The following ATP6V0A1 variants were observed in gnomAD, a reference collection of about 807,000 sequenced individuals.
The protein encoded by ATP6V0A1 is ATPase H+ transporting V0 subunit a1, also known as V-type proton ATPase 116 kDa subunit a 1.
In ATP6V0A1, 43 loss-of-function variants were observed where a neutral mutation model predicts 105.4. The observed-to-expected ratio is 0.41, with a 90% CI of 0.32 to 0.53. The LOEUF is 0.53. Ranked by LOEUF, ATP6V0A1 falls within the 20% of genes least tolerant of loss-of-function variation. The pLI is 0.30. For missense variants in ATP6V0A1, 676 were observed against 1,051.1 expected (o/e 0.64, Z 4.93); for synonymous variants, 362 against 372.8 (o/e 0.97, Z 0.33).
chr17:42,468,811 T>C (rs1216436013), intron 4 of ATP6V0A1, among the ~76,000 whole-genome samples: 1 of 151,994 alleles, frequency 6.6e-6, no homozygotes, highest in Non-Finnish European at 1.5e-5. Flanking sequence ...TGTTTATTGG[T>C]TTATCGAAAC....
intron 15 of ATP6V0A1, among the ~76,000 whole-genome samples, chr17:42,500,305 C>G (rs1000031262): frequency 6.6e-6 from 1 of 151,992 alleles, no homozygotes; most frequent in African/African-American, 2.4e-5. Context: ...ATGGCAAAAC[C>G]CCATCTCTAC....
At chr17:42,485,613 G>A (rs1378714133) in intron 9 of ATP6V0A1, among the ~76,000 whole-genome samples, 2 of 152,110 alleles carry the variant, frequency 1.3e-5, no homozygotes, top group Non-Finnish European at 2.9e-5. Flanking sequence ...GGAATGCAGT[G>A]GCACAATCTT....
intron 21 of ATP6V0A1, chr17:42,519,182 T>G (rs997281821): frequency 6.6e-6 from 1 of 152,218 alleles, no homozygotes; most frequent in Non-Finnish European, 1.5e-5. Flanking sequence ...ATATCCCTCT[T>G]CCTCCTTGCT....
chr17:42,464,483 A>G (rs2145642397), intron 2 of ATP6V0A1, among the ~76,000 whole-genome samples: 1 of 151,646 alleles, frequency 6.6e-6, no homozygotes, highest in Middle Eastern at 3.4e-3. Context: ...GCTCATTGCA[A>G]CCTCCGCCTC....
chr17:42,495,894 G>A, intron 14 of ATP6V0A1, 178 bp downstream of exon 14: 1 of 551,140 alleles, frequency 1.8e-6, no homozygotes, highest in Non-Finnish European at 3.2e-6. Context: ...TCAGCATGGT[G>A]AAACCCTATC....
chr17:42,483,255 T>C, intron 9 of ATP6V0A1, 124 bp downstream of exon 9: 3 of 599,330 alleles, frequency 5.0e-6, no homozygotes, highest in Non-Finnish European at 7.6e-6. Context: ...AAAAAAGAAA[T>C]GTACATGGGT....
chr17:42,485,286 CTATATTAGTA>C (rs772136611), intron 9 of ATP6V0A1, among the ~76,000 whole-genome samples: 3 of 152,090 alleles, frequency 2.0e-5, no homozygotes, highest in Non-Finnish European at 4.4e-5. Context: ...GAGTGATAGG[CTATATTAGTA>C]TATTCTGGGT....
chr17:42,490,526 A>G lies in ATP6V0A1; in HGVS notation c.1063A>G (p.Met355Val). 1.2e-6 allele frequency: 2 copies of G among 1,613,538 alleles called. No individual in the cohort carries two copies. The highest frequency in any genetic ancestry group is 1.7e-6 in the Non-Finnish European group (2 of 1,179,850). ...GSTVPSILNRMQTNQTPPTYN... is the reference protein window; with the variant it reads ...GSTVPSILNRVQTNQTPPTYN... ...CACTGTACCTTCCATTTTGAACAGG[A>G]TGCAGACAAACCAGACTCCCCCAAC... The change falls in exon 11 of 22, where the codon ATG becomes GTG. Residue 355 changes from methionine (M) to valine (V), a missense_variant. Physicochemically the swap from Met to Val is conservative, Grantham distance 21. This residue lies in a region of ATP6V0A1 where 435 missense variants were observed against 642.2 expected (regional missense o/e 0.68). Coordinates refer to ENST00000343619, the MANE Select transcript of ATP6V0A1 (RefSeq NM_001130021.3).
chr17:42,482,700 C>T (rs2089667529), intron 8 of ATP6V0A1, among the ~76,000 whole-genome samples: 1 of 151,796 alleles, frequency 6.6e-6, no homozygotes, highest in African/African-American at 2.4e-5. Flanking sequence ...AGTTCGAGAT[C>T]AGCCTGGCCA....
intron 5 of ATP6V0A1, among the ~76,000 whole-genome samples, chr17:42,475,232 C>T (rs1306783801): frequency 1.3e-5 from 2 of 152,034 alleles, no homozygotes; most frequent in Non-Finnish European, 1.5e-5. Flanking sequence ...ATTGTTTGTT[C>T]TTGGTAATTG....
chr17:42,521,159 G>A lies in ATP6V0A1; in HGVS notation c.*39G>A, dbSNP rs373032213. The A allele has an allele frequency of 1.2e-4, 190 of 1,527,466 alleles. No individual in the cohort carries two copies. Among genetic ancestry groups the A allele is most frequent in the Middle Eastern group, 1.9e-4 (1 of 5,198 alleles). The allele number at this position is 1,527,466 out of a possible 1,614,324, so 94.6% of individuals were successfully genotyped here. The stretch of plus-strand genomic sequence containing the variant: ...CCGTGTGCCCCATGCTACCCTCCCC[G>A]CCTCCCTCCACAGTGATCAGCTGTG... On this transcript the variant is annotated 3_prime_UTR_variant, in exon 22 of 22. Coordinates refer to ENST00000343619, the MANE Select transcript of ATP6V0A1 (RefSeq NM_001130021.3). This position sits in a 1 kb window ranked among gnomAD's most constrained non-coding sequence, Gnocchi z 4.8.
intron 1 of ATP6V0A1, chr17:42,460,581 T>C (rs559332541): frequency 1.1e-5 from 3 of 270,614 alleles, no homozygotes; most frequent in Admixed American, 9.2e-5. Context: ...TACATTCTTA[T>C]CAGTTGAGTT....
chr17:42,507,869 G>A lies in ATP6V0A1; in HGVS notation c.2112+242G>A, dbSNP rs113478399. On this transcript the variant is annotated intron_variant, in intron 18 of 21. Transcript: ENST00000343619. ...CTATCTTGAATTCCAGATTTTGCCC[G>A]CAGTGCTCTGCACGCAGGTCTCCAT... is the stretch of plus-strand genomic sequence containing the variant. Among the ~76,000 whole-genome samples the A allele has an allele frequency of 8.9e-4, 135 of 152,256 alleles. 5 individuals carry two copies. In the South Asian group the frequency reaches 0.026, roughly 29 times the overall value.
chr17:42,502,494 G>GCACA (rs537253936), intron 17 of ATP6V0A1, among the ~76,000 whole-genome samples: 2,905 of 151,752 alleles, frequency 0.019, 99 homozygotes, highest in African/African-American at 0.067. Context: ...AATTCTGCGC[G>GCACA]CGCACACACA....
chr17:42,468,225 T>C (rs1277036209), intron 4 of ATP6V0A1, 118 bp downstream of exon 4: 6 of 560,734 alleles, frequency 1.1e-5, no homozygotes, highest in Admixed American at 3.9e-5. Flanking sequence ...ATCTACTGAT[T>C]GTAAGTTTCT....
chr17:42,475,259 A>C (rs2088577605), intron 5 of ATP6V0A1, among the ~76,000 whole-genome samples: 1 of 152,170 alleles, frequency 6.6e-6, no homozygotes, highest in Admixed American at 6.5e-5. Flanking sequence ...CTTGAACTGG[A>C]TGTGCTATTT....
chr17:42,500,774 T>A lies in ATP6V0A1; in HGVS notation c.1747T>A (p.Phe583Ile). 6.2e-7 allele frequency: 1 copy of A among 1,614,088 alleles called. No homozygotes were observed. Among genetic ancestry groups the A allele is most frequent in the Non-Finnish European group, 8.5e-7 (1 of 1,179,920 alleles). ...TGAAATAATCTTCATGACCTCTTTG[T>A]TTGGCTATTTGGTTATCCTTATTTT... ...IPEIIFMTSL[F>I]GYLVILIFYK... Residue 583 changes from phenylalanine (F) to isoleucine (I), a missense_variant, in exon 16 of 22, where the codon TTT becomes ATT. Phe to Ile is a conservative substitution (Grantham distance 21, BLOSUM62 0). Transcript: ENST00000343619.
intron 21 of ATP6V0A1, among the ~76,000 whole-genome samples, chr17:42,515,871 A>G (rs527846705): frequency 6.6e-6 from 1 of 152,344 alleles, no homozygotes; most frequent in South Asian, 2.1e-4. Context: ...TGCATGGGAT[A>G]TGCTTATACT....
At chr17:42,473,662 A>G (rs2088304772) in intron 5 of ATP6V0A1, among the ~76,000 whole-genome samples, 1 of 152,148 alleles carries the variant, frequency 6.6e-6, no homozygotes, top group Non-Finnish European at 1.5e-5. Flanking sequence ...AGATATTGCT[A>G]TCTCATATGA....
Sources: allele counts gnomAD v4.1 joint callset (sites outside exome capture counted in the v4.1 genomes callset), GRCh38; gene constraint gnomAD v4.1.1; regional missense constraint gnomAD v4.1.1; non-coding constraint Gnocchi (gnomAD v3.1); transcripts MANE v1.5; gene names NCBI Gene and HGNC (gene_info 2026-07-23, HGNC 2026-07-21).